The following TPST1 variants were observed in gnomAD, a reference collection of about 807,000 sequenced individuals.
The protein encoded by TPST1 is tyrosylprotein sulfotransferase 1, also known as protein-tyrosine sulfotransferase 1.
A neutral mutation model predicts 34.8 loss-of-function variants in TPST1; 20 were observed. That is an observed-to-expected ratio of 0.57 (90% CI 0.40 to 0.84). The LOEUF (loss-of-function observed/expected upper bound fraction) is 0.84. Among genes scored for constraint, TPST1 ranks in the 40% least tolerant of loss-of-function variants. The probability of loss-of-function intolerance (pLI) is 0.00; values close to 1 mark genes in which losing one functional copy is unlikely to be tolerated. For synonymous variants in TPST1, 152 were observed against 159.4 expected, an observed-to-expected ratio of 0.95 and a Z score of 0.35; for missense variants, 353 against 455.5, an observed-to-expected ratio of 0.78 and a Z score of 2.05.
chr7:66,302,005 A>G (rs1391903558), intron 3 of TPST1, among the ~76,000 whole-genome samples: 1 of 152,222 alleles, frequency 6.6e-6, no homozygotes, highest in Non-Finnish European at 1.5e-5. Flanking sequence ...GCCTGTACTC[A>G]TTTGCTTCTT....
chr7:66,216,062 C>G (rs917335848), intron 1 of TPST1, among the ~76,000 whole-genome samples: 1 of 152,136 alleles, frequency 6.6e-6, no homozygotes, highest in African/African-American at 2.4e-5. Flanking sequence ...CCGCGCCCGG[C>G]CAATGTCCTG....
In TPST1 at chr7:66,265,361, G is replaced by A. The variant is rs563090515; in HGVS notation, c.846-21150G>A. The stretch of plus-strand genomic sequence containing the variant: ...GCCCAAGAGTTTGAGACCAGCCTGC[G>A]CAACAGCGTGAAACCCTGTCTCTAC... On this transcript the variant is annotated intron_variant, in intron 2 of 5. Transcript: ENST00000304842. 6.6e-5 allele frequency among the ~76,000 whole-genome samples: 10 copies of A among 152,060 alleles called. No homozygotes were observed. The East Asian group carries it at 1.2e-3, about 18-fold the overall frequency.
chr7:66,315,724 CA>C (rs752331234), intron 3 of TPST1, among the ~76,000 whole-genome samples: 1 of 151,928 alleles, frequency 6.6e-6, no homozygotes, highest in East Asian at 1.9e-4. Context: ...TACTTAATTC[CA>C]ACAGTCTAAT....
At chr7:66,358,197 G>A (rs1419179154) in intron 5 of TPST1, among the ~76,000 whole-genome samples, 10 of 152,168 alleles carry the variant, frequency 6.6e-5, no homozygotes, top group Middle Eastern at 6.8e-3. Flanking sequence ...GCAGTGAGCC[G>A]AGATTGCAGC....
At chr7:66,358,683 T>C (rs1450970561) in intron 5 of TPST1, among the ~76,000 whole-genome samples, 1 of 152,162 alleles carries the variant, frequency 6.6e-6, no homozygotes, top group Non-Finnish European at 1.5e-5. Flanking sequence ...AGGTTTCCTT[T>C]TTGCTGAGGA....
intron 2 of TPST1, among the ~76,000 whole-genome samples, chr7:66,279,240 A>C (rs118104788): frequency 0.016 from 2,386 of 152,272 alleles, 61 homozygotes; most frequent in East Asian, 0.092. Context: ...AACTCCATCC[A>C]TGTTGCTGCA....
intron 3 of TPST1, among the ~76,000 whole-genome samples, chr7:66,328,934 CAG>C (rs1243297300): frequency 1.8e-3 from 62 of 34,542 alleles, no homozygotes; most frequent in African/African-American, 0.013. Context: ...TTTTTTGAGA[CAG>C]GGTCTCATTC....
intron 2 of TPST1, among the ~76,000 whole-genome samples, chr7:66,258,644 C>T (rs970018989): frequency 3.3e-5 from 5 of 152,122 alleles, no homozygotes; most frequent in South Asian, 2.1e-4. Context: ...TCTAGTCAGA[C>T]GTTTGGATTT....
intron 2 of TPST1, among the ~76,000 whole-genome samples, chr7:66,253,893 T>C (rs567939007): frequency 5.6e-4 from 84 of 149,366 alleles, no homozygotes; most frequent in African/African-American, 1.9e-3. Context: ...AAAAATTAGC[T>C]GGGCATGGTA....
At chr7:66,213,691 C>T (rs1789325820) in intron 1 of TPST1, among the ~76,000 whole-genome samples, 1 of 149,286 alleles carries the variant, frequency 6.7e-6, no homozygotes, top group Non-Finnish European at 1.5e-5. Context: ...TTGCAGTGAG[C>T]GGAGATCGTG....
At chr7:66,337,877 G>T (rs775589901) in intron 3 of TPST1, among the ~76,000 whole-genome samples, 1 of 152,078 alleles carries the variant, frequency 6.6e-6, no homozygotes, top group Admixed American at 6.5e-5. Flanking sequence ...ATCAAAGCAC[G>T]CTGCTAGAGA....
intron 2 of TPST1, among the ~76,000 whole-genome samples, chr7:66,242,390 G>T (rs1268457918): frequency 6.6e-6 from 1 of 151,858 alleles, no homozygotes; most frequent in African/African-American, 2.4e-5. Flanking sequence ...TTTCACCAAG[G>T]AATATCTGCT....
At chr7:66,203,920 T>C (rs1789067481), upstream of TPST1, among the ~76,000 whole-genome samples, 1 of 152,134 alleles carries the variant, frequency 6.6e-6, no homozygotes, top group South Asian at 2.1e-4. Context: ...CCCATGCCTG[T>C]AATCCCAGCA....
chr7:66,213,590 C>T (rs931599531), intron 1 of TPST1, among the ~76,000 whole-genome samples: 7 of 151,952 alleles, frequency 4.6e-5, no homozygotes, highest in African/African-American at 1.7e-4. Context: ...CTCGTCTCTA[C>T]TAAAAATAAA....
chr7:66,285,946 A>C (rs1396949269), intron 2 of TPST1, among the ~76,000 whole-genome samples: 1 of 152,224 alleles, frequency 6.6e-6, no homozygotes, highest in East Asian at 1.9e-4. Context: ...GGAAAATAGA[A>C]CAAGTGAATA....
chr7:66,257,128 G>A (rs1270715917), intron 2 of TPST1, among the ~76,000 whole-genome samples: 1 of 152,034 alleles, frequency 6.6e-6, no homozygotes, highest in African/African-American at 2.4e-5. Flanking sequence ...TTTATTTTTA[G>A]TGGAGATAGG....
intron 2 of TPST1, among the ~76,000 whole-genome samples, chr7:66,253,585 A>ATGGT (rs1790315627): frequency 6.6e-6 from 1 of 151,090 alleles, no homozygotes; most frequent in South Asian, 2.1e-4. Context: ...GTTAACCAGG[A>ATGGT]TGGTCTCTCT....
intron 3 of TPST1, among the ~76,000 whole-genome samples, chr7:66,296,252 C>A (rs1368872725): frequency 6.8e-5 from 3 of 44,146 alleles, no homozygotes; most frequent in Non-Finnish European, 1.3e-4. Context: ...ACCCTTCCCC[C>A]CCCCCTCCCC....
intron 3 of TPST1, among the ~76,000 whole-genome samples, chr7:66,319,412 A>G (rs1334383686): frequency 6.6e-6 from 1 of 152,200 alleles, no homozygotes; most frequent in Non-Finnish European, 1.5e-5. Context: ...CTGCTACTTT[A>G]AAAAAATACT....
Sources: gnomAD v4.1 joint callset for allele counts (sites outside exome capture counted in the v4.1 genomes callset) on GRCh38, gnomAD v4.1.1 for gene constraint, MANE v1.5 for transcripts, NCBI Gene and HGNC (gene_info 2026-07-23, HGNC 2026-07-21) for gene names.